DLGAP1: variants seen among roughly 807,000 people sequenced by gnomAD.
DLGAP1 encodes DLG associated protein 1.
In DLGAP1, 11 loss-of-function variants were observed where a neutral mutation model predicts 90.8. That is an observed-to-expected ratio of 0.12 (90% CI 0.08 to 0.20). The LOEUF is 0.20. Ranked by LOEUF, DLGAP1 falls within the 10% of genes least tolerant of loss-of-function variation. DLGAP1 has a pLI of 1.00. For missense variants in DLGAP1, 1,050 were observed against 1,333.8 expected (o/e 0.79, Z 3.31); for synonymous variants, 558 against 540.7 (o/e 1.03, Z -0.44).
In DLGAP1 at chr18:3,564,385, G is replaced by T. The variant is rs2054318915; in HGVS notation, c.2057+3105C>A. Among the ~76,000 whole-genome samples, 5 of 152,090 alleles carry T rather than the reference G, an allele frequency of 3.3e-5. No homozygotes were observed. In the South Asian group the frequency reaches 1.0e-3, roughly 32 times the overall value. ...GTATGTCCCTTCCCCCATGTGGAAGGCTAGAGGAAACTAGAGCTGAGTGTT... is the reference window on the plus strand; with the variant it reads ...GTATGTCCCTTCCCCCATGTGGAAGTCTAGAGGAAACTAGAGCTGAGTGTT... On this transcript the variant is annotated intron_variant, in intron 9 of 12. Coordinates refer to ENST00000315677, the MANE Select transcript of DLGAP1 (RefSeq NM_004746.4).
chr18:3,800,241 A>T (rs976401360), intron 5 of DLGAP1, among the ~76,000 whole-genome samples: 1 of 152,202 alleles, frequency 6.6e-6, no homozygotes, highest in African/African-American at 2.4e-5. Flanking sequence ...CTTCATGTTT[A>T]TTGAAGTTAC....
At chr18:4,417,335 A>G (rs1012467330) in intron 1 of DLGAP1, among the ~76,000 whole-genome samples, 1 of 152,196 alleles carries the variant, frequency 6.6e-6, no homozygotes, top group Non-Finnish European at 1.5e-5. Context: ...TTTTGTTAAT[A>G]TATAATGGGT....
chr18:3,703,888 C>A (rs1009928176), intron 7 of DLGAP1, among the ~76,000 whole-genome samples: 7 of 152,168 alleles, frequency 4.6e-5, no homozygotes, highest in Non-Finnish European at 8.8e-5. Flanking sequence ...GATTACTGCA[C>A]CCTACATGAT....
At chr18:4,237,745 T>C (rs575400040) in intron 1 of DLGAP1, among the ~76,000 whole-genome samples, 1 of 152,102 alleles carries the variant, frequency 6.6e-6, no homozygotes, top group Admixed American at 6.6e-5. Flanking sequence ...AAATTCAATA[T>C]GTACAAATGG....
In DLGAP1 at chr18:3,879,539, C is replaced by T. The variant is rs745723251; in HGVS notation, c.530G>A (p.Arg177His). Reference sequence around the variant, plus strand: ...CTTGCTCTTGCTGCGTTTGCCATAGCGCGCCGCCTGCGCCTCGTCAGGGCT... The same window carrying T: ...CTTGCTCTTGCTGCGTTTGCCATAGTGCGCCGCCTGCGCCTCGTCAGGGCT... ...KASPDEAQAA[R>H]YGKRSKSKER... Residue 177 changes from arginine (R) to histidine (H), a missense_variant, in exon 4 of 13, where the codon CGC (arginine) becomes CAC (histidine). By Grantham distance (29) the Arg-to-His change is conservative. Around this residue, in one of 2 missense-constraint regions of DLGAP1, gnomAD observed 485 missense variants for 454.1 expected, o/e 1.07. Transcript: ENST00000315677. This position sits in a 1 kb window ranked among gnomAD's most constrained non-coding sequence, Gnocchi z 6.6. 3.1e-6 allele frequency: 5 copies of T among 1,599,884 alleles called. No individual in the cohort carries two copies. The highest frequency in any genetic ancestry group is 1.1e-5 in the South Asian group (1 of 90,608).
chr18:4,404,844 C>T (rs1026913138), intron 1 of DLGAP1, among the ~76,000 whole-genome samples: 6 of 152,106 alleles, frequency 3.9e-5, no homozygotes, highest in Admixed American at 3.3e-4. Context: ...TTATGTAAGG[C>T]ACCTAATAGT....
chr18:3,597,026 C>A (rs372854087), intron 7 of DLGAP1: 6 of 520,132 alleles, frequency 1.2e-5, no homozygotes, highest in South Asian at 8.4e-5. Flanking sequence ...GTGGGAGGCA[C>A]CTGTGACACT....
intron 12 of DLGAP1, among the ~76,000 whole-genome samples, chr18:3,500,743 T>G (rs1353344077): frequency 1.3e-5 from 2 of 152,222 alleles, no homozygotes; most frequent in Admixed American, 1.3e-4. Context: ...ACTAATGATT[T>G]ACTATGTAAA....
chr18:3,747,924 A>G (rs1256474672), intron 5 of DLGAP1, among the ~76,000 whole-genome samples: 3 of 152,242 alleles, frequency 2.0e-5, no homozygotes, highest in Non-Finnish European at 1.5e-5. Flanking sequence ...TGTGCTCCGG[A>G]TGCAGAAACG....
intron 7 of DLGAP1, among the ~76,000 whole-genome samples, chr18:3,683,347 C>G (rs1293652641): frequency 1.3e-5 from 2 of 152,036 alleles, no homozygotes; most frequent in Non-Finnish European, 2.9e-5. Flanking sequence ...AATAAACAAC[C>G]CAAACCAAAA....
intron 1 of DLGAP1, among the ~76,000 whole-genome samples, chr18:4,272,381 A>G (rs906137102): frequency 6.6e-6 from 1 of 152,226 alleles, no homozygotes; most frequent in African/African-American, 2.4e-5. Context: ...ATTTTTAAGT[A>G]TGAAATATAT....
chr18:3,648,123 C>T (rs1269669129), intron 7 of DLGAP1, among the ~76,000 whole-genome samples: 1 of 152,214 alleles, frequency 6.6e-6, no homozygotes, highest in Non-Finnish European at 1.5e-5. Context: ...CTTAAGCACA[C>T]ATGTCGGTTA....
At chr18:3,682,500 T>A (rs1006096185) in intron 7 of DLGAP1, among the ~76,000 whole-genome samples, 1 of 152,210 alleles carries the variant, frequency 6.6e-6, no homozygotes, top group Non-Finnish European at 1.5e-5. Context: ...GTACAGAAAA[T>A]ACACGAGAAA....
intron 1 of DLGAP1, among the ~76,000 whole-genome samples, chr18:4,400,660 G>A (rs113450724): frequency 9.7e-4 from 147 of 152,226 alleles, no homozygotes; most frequent in African/African-American, 3.4e-3. Flanking sequence ...TGTGACTGAG[G>A]AGGCCAAGAT....
intron 1 of DLGAP1, among the ~76,000 whole-genome samples, chr18:4,447,436 G>A (rs2083695449): frequency 6.6e-6 from 1 of 152,092 alleles, no homozygotes; most frequent in Non-Finnish European, 1.5e-5. Flanking sequence ...AGACTATATT[G>A]CTTAGGTACA....
intron 1 of DLGAP1, among the ~76,000 whole-genome samples, chr18:4,159,614 C>T (rs1173944728): frequency 6.6e-6 from 1 of 152,024 alleles, no homozygotes; most frequent in East Asian, 1.9e-4. Context: ...TCTTTGGCAC[C>T]TAAACTCAAG....
intron 1 of DLGAP1, chr18:4,295,197 G>C (rs888060697): frequency 6.6e-6 from 1 of 152,162 alleles, no homozygotes; most frequent in African/African-American, 2.4e-5. Context: ...GCATCATAAA[G>C]ATGTGTGGTA....
chr18:4,267,733 G>T (rs2079162017), intron 1 of DLGAP1, among the ~76,000 whole-genome samples: 1 of 152,152 alleles, frequency 6.6e-6, no homozygotes, highest in Non-Finnish European at 1.5e-5. Context: ...GCTGTCAGCT[G>T]GGGCTGCAGT....
chr18:4,335,890 A>G (rs577546343), intron 1 of DLGAP1, among the ~76,000 whole-genome samples: 1 of 152,350 alleles, frequency 6.6e-6, no homozygotes, highest in East Asian at 1.9e-4. Context: ...TATCATATTC[A>G]GGTATTTAAA....
Sources: gnomAD v4.1 joint callset for allele counts (sites outside exome capture counted in the v4.1 genomes callset) on GRCh38, gnomAD v4.1.1 for gene constraint, gnomAD v4.1.1 regional missense constraint, Gnocchi (gnomAD v3.1) non-coding constraint, MANE v1.5 for transcripts, NCBI Gene and HGNC (gene_info 2026-07-23, HGNC 2026-07-21) for gene names.